The following AGPAT1 variants were observed in gnomAD, a reference collection of about 807,000 sequenced individuals.
AGPAT1 encodes the protein 1-acyl-sn-glycerol-3-phosphate acyltransferase alpha.
A neutral mutation model predicts 31.2 loss-of-function variants in AGPAT1; 6 were observed. That is an observed-to-expected ratio of 0.19 (90% CI 0.11 to 0.38). The LOEUF (loss-of-function observed/expected upper bound fraction) is 0.38. Among genes scored for constraint, AGPAT1 ranks in the 10% least tolerant of loss-of-function variants. The probability of loss-of-function intolerance (pLI) is 1.00; values close to 1 mark genes in which losing one functional copy is unlikely to be tolerated. For synonymous variants in AGPAT1, 139 were observed against 154.0 expected (o/e 0.90, Z 0.72); for missense variants, 187 against 377.8 (o/e 0.49, Z 4.19).
chr6:32,177,155 TC>T (rs1334981996), upstream of AGPAT1: 2 of 398,128 alleles, frequency 5.0e-6, no homozygotes, highest in Non-Finnish European at 8.8e-6. Flanking sequence ...TTTATCAAGG[TC>T]CCCCCTCTAG....
upstream of AGPAT1, chr6:32,176,437 C>T: frequency 3.2e-6 from 3 of 938,984 alleles, no homozygotes; most frequent in Non-Finnish European, 3.8e-6. Context: ...GCTGCTTATT[C>T]CCCCCAACTA....
Position 32,169,899 on chromosome 6 carries a change from G to T in AGPAT1, c.679+67C>A. On this transcript the variant is annotated intron_variant, in intron 6 of 6. Coordinates refer to ENST00000375107, the MANE Select transcript of AGPAT1 (RefSeq NM_006411.4). The surrounding 1 kb of genome is among the most constrained non-coding windows in gnomAD (Gnocchi z 5.9). ...GGCTCTGACACTGAATGATCCCCCTGCCTCACAGGGATGTCCTCCCAGCCT... is the reference window on the plus strand; with the variant it reads ...GGCTCTGACACTGAATGATCCCCCTTCCTCACAGGGATGTCCTCCCAGCCT... 7.2e-7 allele frequency: 1 copy of T among 1,390,156 alleles called. No individual in the cohort carries two copies. The highest frequency in any genetic ancestry group is 1.0e-6 in the Non-Finnish European group (1 of 983,808). 86.1% of individuals were successfully genotyped at this position (1,390,156 alleles called of 1,614,324 possible). A position where few individuals can be genotyped will look rare whatever the true frequency, so the allele number is the denominator to read the frequency against.
Position 32,169,391 on chromosome 6 carries a change from T to A in AGPAT1, c.737A>T (p.Asp246Val). The A allele has an allele frequency of 6.2e-7, 1 of 1,612,804 alleles. No homozygotes were observed. The highest frequency in any genetic ancestry group is 2.2e-5 in the East Asian group (1 of 44,882). The change falls in exon 7 of 7, where the codon GAC becomes GTC. Residue 246 changes from aspartate to valine, a missense_variant. Physicochemically the swap from Asp to Val is radical, Grantham distance 152. Transcript: ENST00000375107. This position sits in a 1 kb window ranked among gnomAD's most constrained non-coding sequence, Gnocchi z 5.9. ...GACTCTGTCAGCCAGAGCTGGGACG[T>A]CATCTGGTGTCAGCCCTTCCGTGGG... ...PVPTEGLTPD[D>V]VPALADRVRH...
rs3130283 is a variant in AGPAT1, at chr6:32,170,768, A to C, written c.335-168T>G. ...GAAAGGGTGACCAAAAGTATATGTA[A>C]CCTGCTTATGAGGGCAGTTCTACCC... On this transcript the variant is annotated intron_variant, in intron 3 of 6. Coordinates refer to ENST00000375107, the MANE Select transcript of AGPAT1 (RefSeq NM_006411.4). The surrounding 1 kb of genome is among the most constrained non-coding windows in gnomAD (Gnocchi z 7.7). 0.87 allele frequency: 1,064,641 copies of C among 1,218,050 alleles called. 466,631 individuals carry two copies. Among genetic ancestry groups the C allele is most frequent in the African/African-American group, 0.96 (64,998 of 67,690 alleles). The allele number at this position is 1,218,050 out of a possible 1,614,324, so 75.5% of individuals were successfully genotyped here.
At position 32,173,438 on chromosome 6, in the gene AGPAT1, C is replaced by T. The variant is rs1264913477; in HGVS notation, c.-9-1933G>A. Among the ~76,000 whole-genome samples, 1 of 152,204 alleles carries T rather than the reference C, an allele frequency of 6.6e-6. No homozygotes were observed. The highest frequency in any genetic ancestry group is 2.4e-5 in the African/African-American group (1 of 41,454). On this transcript the variant is annotated intron_variant, in intron 1 of 6. Coordinates refer to ENST00000375107, the MANE Select transcript of AGPAT1 (RefSeq NM_006411.4). This position sits in a 1 kb window ranked among gnomAD's most constrained non-coding sequence, Gnocchi z 4.7. ...AGAACAGCATCATTTCTCCCCTGAA[C>T]TATGTGGAGTAGGCTCCCAACTCCC...
upstream of AGPAT1, chr6:32,176,203 C>T: frequency 2.1e-6 from 2 of 951,634 alleles, no homozygotes; most frequent in Non-Finnish European, 1.3e-6. Context: ...ATCTCCTCCC[C>T]ACATCTACCA....
Position 32,171,597 on chromosome 6 carries a change from A to G in AGPAT1, c.-9-92T>C. On this transcript the variant is annotated intron_variant, in intron 1 of 6. Coordinates refer to ENST00000375107, the MANE Select transcript of AGPAT1 (RefSeq NM_006411.4). The surrounding 1 kb of genome is among the most constrained non-coding windows in gnomAD (Gnocchi z 6.9). The stretch of plus-strand genomic sequence containing the variant: ...GAAGGCAGGGCTGGGGGCTGGTGCT[A>G]TGAGGACAAGGGCCTGAGACACAAA... 6.7e-7 allele frequency: 1 copy of G among 1,497,526 alleles called. No individual in the cohort carries two copies. Among genetic ancestry groups the G allele is most frequent in the South Asian group, 1.2e-5 (1 of 80,190 alleles). The allele number at this position is 1,497,526 out of a possible 1,614,324, so 92.8% of individuals were successfully genotyped here.
At position 32,173,712 on chromosome 6, in the gene AGPAT1, C is replaced by T. The variant is rs1785294187; in HGVS notation, c.-10+2102G>A. Among the ~76,000 whole-genome samples, 1 of 152,234 alleles carries T rather than the reference C, an allele frequency of 6.6e-6. No individual in the cohort carries two copies. The highest frequency in any genetic ancestry group is 1.5e-5 in the Non-Finnish European group (1 of 68,048). ...TGTTCCCTTTGGCTGGAATGCCTGT[C>T]TCTTCTCCTGCCTCACACAGCTCAG... On this transcript the variant is annotated intron_variant, in intron 1 of 6. Transcript: ENST00000375107. The surrounding 1 kb of genome is among the most constrained non-coding windows in gnomAD (Gnocchi z 4.7).
chr6:32,169,397 G>C lies in AGPAT1; in HGVS notation c.731C>G (p.Pro244Arg). 6.2e-7 allele frequency: 1 copy of C among 1,612,832 alleles called. No individual in the cohort carries two copies. The highest frequency in any genetic ancestry group is 8.5e-7 in the Non-Finnish European group (1 of 1,179,976). Reference protein sequence around the residue: ...LPPVPTEGLTPDDVPALADRV... With the variant: ...LPPVPTEGLTRDDVPALADRV... ...GTCAGCCAGAGCTGGGACGTCATCTGGTGTCAGCCCTTCCGTGGGCACTGG... is the reference window on the plus strand; with the variant it reads ...GTCAGCCAGAGCTGGGACGTCATCTCGTGTCAGCCCTTCCGTGGGCACTGG... The change falls in exon 7 of 7, where the codon CCA (proline) becomes CGA (arginine). Residue 244 changes from proline to arginine, a missense_variant. Transcript: ENST00000375107. This position sits in a 1 kb window ranked among gnomAD's most constrained non-coding sequence, Gnocchi z 5.9.
chr6:32,177,121 T>G (rs1785634958), upstream of AGPAT1: 1 of 398,616 alleles, frequency 2.5e-6, no homozygotes, highest in Non-Finnish European at 4.4e-6. Context: ...TCATCTTTCC[T>G]TACTCTTGAG....
rs1334921729 is a variant in AGPAT1 at position 32,175,833 on chromosome 6, TGGGGGGCTGGCC to T, written c.-41_-30del. On this transcript the variant is annotated 5_prime_UTR_variant, in exon 1 of 7. Coordinates refer to ENST00000375107, the MANE Select transcript of AGPAT1 (RefSeq NM_006411.4). The surrounding 1 kb of genome is among the most constrained non-coding windows in gnomAD (Gnocchi z 4.5). ...CCACACCTCAGAGGGGTAGGGGGCC[TGGGGGGCTGGCC>T]CCCTCCCCAGCCAGGCTGCGGCAGC... is the stretch of plus-strand genomic sequence containing the variant. 1 of 985,738 alleles carries T rather than the reference TGGGGGGCTGGCC, an allele frequency of 1.0e-6. No homozygotes were observed. The allele number at this position is 985,738 out of a possible 1,614,324, so 61.1% of individuals were successfully genotyped here.
Position 32,170,545 on chromosome 6 carries a change from C to T in AGPAT1, c.390G>A (p.Leu130=), listed in dbSNP as rs755998995. The change falls in exon 4 of 7, where the codon CTG becomes CTA. Residue 130 remains leucine (L), a synonymous_variant. Transcript: ENST00000375107. The surrounding 1 kb of genome is among the most constrained non-coding windows in gnomAD (Gnocchi z 7.7). ...RCVPIAKREL[L]WAGSAGLACW... is the part of the protein sequence containing the mutation. The stretch of plus-strand genomic sequence containing the variant: ...AGGCCAGCCCGGCAGAGCCAGCCCA[C>T]AGTAGCTCGCGCTTGGCAATGGGCA... 3 of 1,612,940 alleles carry T rather than the reference C, an allele frequency of 1.9e-6. No individual in the cohort carries two copies. The highest frequency in any genetic ancestry group is 1.6e-4 in the Middle Eastern group (1 of 6,062).
chr6:32,169,207 G>A lies in AGPAT1; in HGVS notation c.*69C>T. The stretch of plus-strand genomic sequence containing the variant: ...AGGAAGAGGGTTTGGCCCTGCTTCA[G>A]GGCCCACTGGGTGGGTAGGTGTGGG... On this transcript the variant is annotated 3_prime_UTR_variant, in exon 7 of 7. Transcript: ENST00000375107. This position sits in a 1 kb window ranked among gnomAD's most constrained non-coding sequence, Gnocchi z 5.9. 2 of 1,542,548 alleles carry A rather than the reference G, an allele frequency of 1.3e-6. No individual in the cohort carries two copies. The highest frequency in any genetic ancestry group is 1.8e-6 in the Non-Finnish European group (2 of 1,127,018).
upstream of AGPAT1, chr6:32,176,595 G>GGAGA: frequency 1.1e-6 from 1 of 925,568 alleles, no homozygotes; most frequent in Non-Finnish European, 1.3e-6. Flanking sequence ...CCTCTGGTCT[G>GGAGA]GTTTCCTTTG....
rs958521627 is a variant in AGPAT1 at position 32,172,733 on chromosome 6, T to C, written c.-9-1228A>G. 3.9e-5 allele frequency among the ~76,000 whole-genome samples: 6 copies of C among 152,148 alleles called. No individual in the cohort carries two copies. Among genetic ancestry groups the C allele is most frequent in the African/African-American group, 9.7e-5 (4 of 41,416 alleles). On this transcript the variant is annotated intron_variant, in intron 1 of 6. Transcript: ENST00000375107. This position sits in a 1 kb window ranked among gnomAD's most constrained non-coding sequence, Gnocchi z 4.3. ...GATTGTGACAGAACACTCACAGCCA[T>C]ATACCCAAGGGCCAAATGGCAAGAT... is the stretch of plus-strand genomic sequence containing the variant.
chr6:32,177,136 A>G (rs1297009487), upstream of AGPAT1: 1 of 398,412 alleles, frequency 2.5e-6, no homozygotes, highest in African/African-American at 2.1e-5. Flanking sequence ...CTTGAGTCAC[A>G]TGGGATCTTT....
chr6:32,171,708 C>T lies in AGPAT1; in HGVS notation c.-9-203G>A. 1.6e-6 allele frequency: 1 copy of T among 638,368 alleles called. No homozygotes were observed. The allele number at this position is 638,368 out of a possible 1,614,324, so 39.5% of individuals were successfully genotyped here. ...GAAAGAGCTCAGGACTGCTCTCCCACCACTCTTCCCAAAGGCTCCGGATAT... is the reference window on the plus strand; with the variant it reads ...GAAAGAGCTCAGGACTGCTCTCCCATCACTCTTCCCAAAGGCTCCGGATAT... On this transcript the variant is annotated intron_variant, in intron 1 of 6. Coordinates refer to ENST00000375107, the MANE Select transcript of AGPAT1 (RefSeq NM_006411.4). This position sits in a 1 kb window ranked among gnomAD's most constrained non-coding sequence, Gnocchi z 6.9.
At position 32,169,341 on chromosome 6, in the gene AGPAT1, G is replaced by C. The variant is rs139093368; in HGVS notation, c.787C>G (p.Arg263Gly). The change falls in exon 7 of 7, where the codon CGG becomes GGG. Residue 263 changes from arginine (R) to glycine (G), a missense_variant. Arg to Gly is a moderately radical substitution (Grantham distance 125). This residue lies in a region of AGPAT1 where 29 missense variants were observed against 33.8 expected (regional missense o/e 0.86). Transcript: ENST00000375107. This position sits in a 1 kb window ranked among gnomAD's most constrained non-coding sequence, Gnocchi z 5.9. Reference sequence around the variant, plus strand: ...CCCCGGCCATCAGTGGAGATTTCCCGGAAAACAGTGAGCATGGAGTGCCGG... The same window carrying C: ...CCCCGGCCATCAGTGGAGATTTCCCCGAAAACAGTGAGCATGGAGTGCCGG... ...RVRHSMLTVF[R>G]EISTDGRGGG... is the part of the protein sequence containing the mutation. 1 of 1,613,010 alleles carries C rather than the reference G, an allele frequency of 6.2e-7. No individual in the cohort carries two copies. Among genetic ancestry groups the C allele is most frequent in the South Asian group, 1.1e-5 (1 of 91,082 alleles).
Position 32,170,844 on chromosome 6 carries a change from G to C in AGPAT1, c.334+93C>G. ...CAAGGGGGCAATGTCCCAGAGGAAG[G>C]GGAATTGAGGATCTCTAGGAGAAGA... On this transcript the variant is annotated intron_variant, in intron 3 of 6. Transcript: ENST00000375107. The surrounding 1 kb of genome is among the most constrained non-coding windows in gnomAD (Gnocchi z 7.7). 1 of 1,488,296 alleles carries C rather than the reference G, an allele frequency of 6.7e-7. No individual in the cohort carries two copies. Among genetic ancestry groups the C allele is most frequent in the Non-Finnish European group, 9.2e-7 (1 of 1,088,118 alleles). The allele number at this position is 1,488,296 out of a possible 1,614,324, so 92.2% of individuals were successfully genotyped here.
Sources: gnomAD v4.1 joint callset for allele counts (sites outside exome capture counted in the v4.1 genomes callset) on GRCh38, gnomAD v4.1.1 for gene constraint, gnomAD v4.1.1 regional missense constraint, Gnocchi (gnomAD v3.1) non-coding constraint, MANE v1.5 for transcripts, NCBI Gene and HGNC (gene_info 2026-07-23, HGNC 2026-07-21) for gene names.